PARP11: variants seen among roughly 807,000 people sequenced by gnomAD.
PARP11 encodes poly(ADP-ribose) polymerase family member 11.
In PARP11, 31 loss-of-function variants were observed where a neutral mutation model predicts 42.9. The ratio of observed to expected loss-of-function variants is 0.72; its 90% CI spans 0.54 to 0.98. PARP11 has a LOEUF of 0.98. PARP11 is among the 50% of genes least tolerant of loss of function. The pLI is 0.00. For synonymous variants in PARP11, 137 were observed against 127.3 expected (o/e 1.08, Z -0.51); for missense variants, 365 against 413.1 (o/e 0.88, Z 1.01).
chr12:3,827,584 C>A (rs1947553306), intron 3 of PARP11, among the ~76,000 whole-genome samples: 1 of 151,922 alleles, frequency 6.6e-6, no homozygotes, highest in Non-Finnish European at 1.5e-5. Context: ...CCTCTTAAAT[C>A]CTGCTTATTT....
chr12:3,831,428 T>C (rs1171128225), intron 1 of PARP11, among the ~76,000 whole-genome samples: 1 of 152,180 alleles, frequency 6.6e-6, no homozygotes, highest in Non-Finnish European at 1.5e-5. Flanking sequence ...AAAATGTCCA[T>C]CCTATTTTTA....
rs1555138046 is a variant in PARP11 at position 3,834,648 on chromosome 12, A to AAG, written c.19-4631_19-4630insCT. ...ACACTCCATCTCAAAAAAAAAAAAA[A>AAG]AAAGAAAGAAAGAAAACAGTGGAAA... On this transcript the variant is annotated intron_variant, in intron 1 of 7. Coordinates refer to ENST00000228820, the MANE Select transcript of PARP11 (RefSeq NM_020367.6). Among the ~76,000 whole-genome samples, 6 of 151,740 alleles carry AAG rather than the reference A, an allele frequency of 4.0e-5. No individual in the cohort carries two copies. The East Asian group carries it at 5.8e-4, about 15-fold the overall frequency.
chr12:3,830,474 T>C (rs1308432687), intron 1 of PARP11, among the ~76,000 whole-genome samples: 1 of 152,148 alleles, frequency 6.6e-6, no homozygotes, highest in Non-Finnish European at 1.5e-5. Flanking sequence ...TGTAAAAGAT[T>C]ACAAAAAAAT....
Position 3,873,196 on chromosome 12 carries a change from C to T in PARP11, c.18+16G>A. 6.5e-7 allele frequency: 1 copy of T among 1,547,246 alleles called. No homozygotes were observed. The highest frequency in any genetic ancestry group is 8.7e-7 in the Non-Finnish European group (1 of 1,144,744). ...CCCCGCCCCCTGGGCCCGCCCCGTCCCGCCCGGCTACTCACTGGATTCGCT... is the reference window on the plus strand; with the variant it reads ...CCCCGCCCCCTGGGCCCGCCCCGTCTCGCCCGGCTACTCACTGGATTCGCT... On this transcript the variant is annotated intron_variant, in intron 1 of 7. Coordinates refer to ENST00000228820, the MANE Select transcript of PARP11 (RefSeq NM_020367.6).
At chr12:3,844,981 GAGAAT>G (rs1407855731) in intron 1 of PARP11, among the ~76,000 whole-genome samples, 1 of 152,130 alleles carries the variant, frequency 6.6e-6, no homozygotes, top group Non-Finnish European at 1.5e-5. Context: ...TTCTTTATAA[GAGAAT>G]AGAGGCAAAA....
At chr12:3,832,900 A>T (rs914821226) in intron 1 of PARP11, among the ~76,000 whole-genome samples, 1 of 152,220 alleles carries the variant, frequency 6.6e-6, no homozygotes, top group African/African-American at 2.4e-5. Flanking sequence ...CATTTTGTAA[A>T]GTTTCAAGGG....
At position 3,809,695 on chromosome 12, in the gene PARP11, T is replaced by C. The variant is rs545586573; in HGVS notation, c.*2428A>G. 31 of 152,326 alleles carry C rather than the reference T, an allele frequency of 2.0e-4. No individual in the cohort carries two copies. Among genetic ancestry groups the C allele is most frequent in the Admixed American group, 1.5e-3 (23 of 15,304 alleles). The allele number at this position is 152,326 out of a possible 1,614,324, so 9.4% of individuals were successfully genotyped here. A position where few individuals can be genotyped will look rare whatever the true frequency, so the allele number is the denominator to read the frequency against. On this transcript the variant is annotated 3_prime_UTR_variant, in exon 8 of 8. Coordinates refer to ENST00000228820, the MANE Select transcript of PARP11 (RefSeq NM_020367.6). ...TAATGTGGTTTTTTGGTATGTAAAT[T>C]ACAAATAAATCGAAAAAAAGATTTT...
chr12:3,843,425 T>G (rs756558847), intron 1 of PARP11, among the ~76,000 whole-genome samples: 5 of 152,178 alleles, frequency 3.3e-5, no homozygotes, highest in Non-Finnish European at 5.9e-5. Context: ...TGTTAAAAAT[T>G]TTTAGCTTGA....
chr12:3,814,407 AG>A (rs1301592955), intron 6 of PARP11, among the ~76,000 whole-genome samples: 5 of 152,244 alleles, frequency 3.3e-5, no homozygotes, highest in African/African-American at 1.2e-4. Flanking sequence ...CTGAAACTTA[AG>A]GTTGAAAATT....
chr12:3,846,699 G>A (rs1948005461), intron 1 of PARP11, among the ~76,000 whole-genome samples: 1 of 151,634 alleles, frequency 6.6e-6, no homozygotes, highest in African/African-American at 2.4e-5. Flanking sequence ...AGAGCTTGCA[G>A]TGAGCCAAGA....
intron 1 of PARP11, among the ~76,000 whole-genome samples, chr12:3,864,158 T>G (rs988324149): frequency 6.6e-6 from 1 of 152,246 alleles, no homozygotes; most frequent in Non-Finnish European, 1.5e-5. Context: ...CGATATTCGA[T>G]TTTGTCAAAG....
chr12:3,858,028 T>C (rs1429189501), intron 1 of PARP11, among the ~76,000 whole-genome samples: 1 of 152,214 alleles, frequency 6.6e-6, no homozygotes, highest in Non-Finnish European at 1.5e-5. Flanking sequence ...AAACAATGAC[T>C]GAAGACATAG....
At chr12:3,828,720 C>T (rs1268522620) in intron 3 of PARP11, among the ~76,000 whole-genome samples, 190 bp downstream of exon 3, 1 of 151,990 alleles carries the variant, frequency 6.6e-6, no homozygotes, top group African/African-American at 2.4e-5. Context: ...AACATATAAA[C>T]ACACCTTTTA....
rs747671113 is a variant in PARP11, at chr12:3,812,278, T to C, written c.862A>G (p.Ile288Val). ...CGCATGTATTTGGAGTCTCCGTTTA[T>C]GTAATCTCCAATTAGCACTCGAGCA... ...FLARVLIGDY[I>V]NGDSKYMRPP... The change falls in exon 8 of 8, where the codon ATA (isoleucine) becomes GTA (valine). Residue 288 changes from isoleucine (I) to valine (V), a missense_variant. Coordinates refer to ENST00000228820, the MANE Select transcript of PARP11 (RefSeq NM_020367.6). 9 of 1,614,238 alleles carry C rather than the reference T, an allele frequency of 5.6e-6. No homozygotes were observed. In the Admixed American group the frequency reaches 1.2e-4, roughly 21 times the overall value.
At chr12:3,829,348 A>C (rs988228753) in intron 2 of PARP11, among the ~76,000 whole-genome samples, 9 of 152,228 alleles carry the variant, frequency 5.9e-5, no homozygotes, top group African/African-American at 1.9e-4. Context: ...GCTCAAGTTA[A>C]ATCTTCTTTA....
At chr12:3,869,297 A>G (rs903389717) in intron 1 of PARP11, among the ~76,000 whole-genome samples, 7 of 152,218 alleles carry the variant, frequency 4.6e-5, no homozygotes, top group Non-Finnish European at 8.8e-5. Flanking sequence ...TATTACGTCT[A>G]CCATATTTTC....
chr12:3,858,011 A>G (rs1244073802), intron 1 of PARP11, among the ~76,000 whole-genome samples: 1 of 152,200 alleles, frequency 6.6e-6, no homozygotes, highest in Non-Finnish European at 1.5e-5. Context: ...AGTTGCCAAC[A>G]CTCGGAAAAC....
Position 3,842,413 on chromosome 12 carries a change from C to G in PARP11, c.19-12395G>C, listed in dbSNP as rs1453374186. The G allele has an allele frequency of 5.0e-6, 8 of 1,608,736 alleles. No individual in the cohort carries two copies. In the East Asian group the frequency reaches 1.8e-4, roughly 36 times the overall value. ...CTGGAAAGGACAGCCAAGCAGAAGT[C>G]GGGATGAAGGTTATCAGTACCATCG... is the stretch of plus-strand genomic sequence containing the variant. On this transcript the variant is annotated intron_variant, in intron 1 of 7. Transcript: ENST00000228820.
At chr12:3,841,845 T>A (rs1947894985) in intron 1 of PARP11, 1 of 1,608,998 alleles carries the variant, frequency 6.2e-7, no homozygotes, top group African/African-American at 1.3e-5. Context: ...GAGAATTGGA[T>A]CTGTCTCTGG....
Sources: allele counts gnomAD v4.1 joint callset (sites outside exome capture counted in the v4.1 genomes callset), GRCh38; gene constraint gnomAD v4.1.1; transcripts MANE v1.5; gene names NCBI Gene and HGNC (gene_info 2026-07-23, HGNC 2026-07-21).